Variants in PFKL observed in about 807,000 individuals in gnomAD.
PFKL encodes the protein phosphofructokinase, liver type.
A neutral mutation model predicts 92.1 loss-of-function variants in PFKL; 74 were observed. The ratio of observed to expected loss-of-function variants is 0.80; its 90% CI spans 0.67 to 0.97. PFKL has a LOEUF of 0.97. Ranked by LOEUF, PFKL falls within the 50% of genes least tolerant of loss-of-function variation. The probability of loss-of-function intolerance (pLI) is 0.00; values close to 1 mark genes in which losing one functional copy is unlikely to be tolerated. For synonymous variants in PFKL, 494 were observed against 456.4 expected, an observed-to-expected ratio of 1.08 and a Z score of -1.05; for missense variants, 1,028 against 1,116.6, an observed-to-expected ratio of 0.92 and a Z score of 1.13.
chr21:44,313,443 GGGA>G (rs1350277519), intron 5 of PFKL, among the ~76,000 whole-genome samples, 192 bp from the exon 6 acceptor site: 2 of 152,356 alleles, frequency 1.3e-5, no homozygotes, highest in South Asian at 4.1e-4. Flanking sequence ...CCCTCAGCCT[GGGA>G]GGAGATCAGT....
intron 10 of PFKL, among the ~76,000 whole-genome samples, 174 bp downstream of exon 10, chr21:44,318,769 G>A (rs1239354766): frequency 3.3e-5 from 5 of 152,162 alleles, no homozygotes; most frequent in African/African-American, 1.2e-4. Flanking sequence ...GCACATCCCT[G>A]GGTGGGACGT....
In PFKL at chr21:44,326,763, G is replaced by A. The variant is rs780130249; in HGVS notation, c.2244G>A (p.Leu748=). Residue 748 remains leucine, a synonymous_variant, in exon 22 of 22, where the codon CTG becomes CTA. Coordinates refer to ENST00000349048, the MANE Select transcript of PFKL (RefSeq NM_002626.6). Reference sequence around the variant, plus strand: ...GGTGGCTGAGCCTGCGGCTCATGCTGAAGATGCTGGCACAATACCGCATCA... The same window carrying A: ...GGTGGCTGAGCCTGCGGCTCATGCTAAAGATGCTGGCACAATACCGCATCA... The part of the protein sequence containing the change: ...EQWWLSLRLM[L]KMLAQYRISM... The A allele has an allele frequency of 1.2e-6, 2 of 1,611,384 alleles. No individual in the cohort carries two copies. The highest frequency in any genetic ancestry group is 2.2e-5 in the East Asian group (1 of 44,838).
At position 44,318,615 on chromosome 21, in the gene PFKL, C is replaced by G. The variant is rs199755995; in HGVS notation, c.1062+20C>G. The G allele has an allele frequency of 3.4e-6, 5 of 1,453,562 alleles. No homozygotes were observed. Among genetic ancestry groups the G allele is most frequent in the African/African-American group, 1.4e-5 (1 of 69,538 alleles). 90.0% of individuals were successfully genotyped at this position (1,453,562 alleles called of 1,614,324 possible). A position where few individuals can be genotyped will look rare whatever the true frequency, so the allele number is the denominator to read the frequency against. Reference sequence around the variant, plus strand: ...CAGATGGTAAGCCCTGGGCCCCCCCCATCAGAACCGCCTGGCCCCTCTCCC... The same window carrying G: ...CAGATGGTAAGCCCTGGGCCCCCCCGATCAGAACCGCCTGGCCCCTCTCCC... On this transcript the variant is annotated intron_variant, in intron 10 of 21. Coordinates refer to ENST00000349048, the MANE Select transcript of PFKL (RefSeq NM_002626.6).
chr21:44,305,391 C>T lies in PFKL; in HGVS notation c.86-1290C>T, dbSNP rs769773890. Reference sequence around the variant, plus strand: ...GGGTCTCCATGTTCAAGGGAGCTGCCGAGGCTTGAGCAGGAGCCCCCAGCA... The same window carrying T: ...GGGTCTCCATGTTCAAGGGAGCTGCTGAGGCTTGAGCAGGAGCCCCCAGCA... On this transcript the variant is annotated intron_variant, in intron 1 of 21. Coordinates refer to ENST00000349048, the MANE Select transcript of PFKL (RefSeq NM_002626.6). The T allele has an allele frequency of 7.2e-5, 98 of 1,362,454 alleles. No individual in the cohort carries two copies. In the East Asian group the frequency reaches 3.1e-3, roughly 44 times the overall value. The allele number at this position is 1,362,454 out of a possible 1,614,324, so 84.4% of individuals were successfully genotyped here.
In PFKL at chr21:44,326,955, G is replaced by A. The variant is rs1322267819; in HGVS notation, c.*93G>A. 3.3e-6 allele frequency: 4 copies of A among 1,219,194 alleles called. No homozygotes were observed. The highest frequency in any genetic ancestry group is 4.7e-6 in the Non-Finnish European group (4 of 857,044). The allele number at this position is 1,219,194 out of a possible 1,614,324, so 75.5% of individuals were successfully genotyped here. On this transcript the variant is annotated 3_prime_UTR_variant, in exon 22 of 22. Transcript: ENST00000349048. ...GCCTGGGCTGTTGTGTCTGGAGCCT[G>A]CAGGCAGGTGGGGGCTGCGTCCCTG... is the stretch of plus-strand genomic sequence containing the variant.
intron 5 of PFKL, 98 bp from the exon 6 acceptor site, chr21:44,313,540 C>A: frequency 1.7e-6 from 2 of 1,161,162 alleles, no homozygotes; most frequent in Non-Finnish European, 2.5e-6. Flanking sequence ...CCCCTGCCTG[C>A]CTCTCCATCC....
At position 44,325,146 on chromosome 21, in the gene PFKL, C is replaced by T. The variant is rs1402952158; in HGVS notation, c.1878-7C>T. The T allele has an allele frequency of 2.5e-6, 4 of 1,591,738 alleles. No individual in the cohort carries two copies. Among genetic ancestry groups the T allele is most frequent in the Non-Finnish European group, 2.6e-6 (3 of 1,160,568 alleles). On this transcript the variant is annotated splice_region_variant and splice_polypyrimidine_tract_variant and intron_variant, in intron 18 of 21. Transcript: ENST00000349048. ...CCCGCCGACTCAGGCCCTGCTGCCC[C>T]TCTCAGGAACGAGAAGTGCCATGAC...
intron 3 of PFKL, among the ~76,000 whole-genome samples, chr21:44,311,413 G>A (rs1422511482): frequency 6.6e-6 from 1 of 151,850 alleles, no homozygotes; most frequent in East Asian, 1.9e-4. Flanking sequence ...CAGACATGGA[G>A]ACAGATACAC....
chr21:44,311,841 C>T (rs954243490), intron 3 of PFKL, among the ~76,000 whole-genome samples: 13 of 152,300 alleles, frequency 8.5e-5, no homozygotes, highest in East Asian at 3.9e-4. Context: ...CTGTGCTTTC[C>T]AGTCTCCAAA....
intron 15 of PFKL, 98 bp from the exon 16 acceptor site, chr21:44,323,668 C>CAGCAGGG (rs1404951618): frequency 2.3e-6 from 3 of 1,316,540 alleles, no homozygotes; most frequent in Non-Finnish European, 1.0e-6. Flanking sequence ...CATGACAGGT[C>CAGCAGGG]AGCAGGGAGC....
At chr21:44,322,739 G>A (rs955867049) in intron 14 of PFKL, among the ~76,000 whole-genome samples, 2 of 152,210 alleles carry the variant, frequency 1.3e-5, no homozygotes, top group African/African-American at 2.4e-5. Flanking sequence ...GGGTTCACTC[G>A]GTTGCCTGGC....
intron 2 of PFKL, among the ~76,000 whole-genome samples, chr21:44,310,553 C>T (rs974740750): frequency 6.6e-6 from 1 of 152,316 alleles, no homozygotes; most frequent in South Asian, 2.1e-4. Flanking sequence ...CCGCACACCC[C>T]GCCGGCCGCA....
intron 1 of PFKL, chr21:44,305,242 C>G: frequency 7.7e-7 from 1 of 1,306,810 alleles, no homozygotes; most frequent in Non-Finnish European, 1.0e-6. Flanking sequence ...GTGCCGATCC[C>G]TGGGGTTTCT....
rs377152822 is a variant in PFKL at position 44,322,220 on chromosome 21, G to A, written c.1409+17G>A. 1.3e-4 allele frequency: 214 copies of A among 1,593,104 alleles called. 1 individual carries two copies. Among genetic ancestry groups the A allele is most frequent in the Middle Eastern group, 1.8e-4 (1 of 5,646 alleles). ...GACCAAGAGGTGAGCTGCCTGCTGC[G>A]GGTACCTGGGGGCAGGAGGGCCAGG... On this transcript the variant is annotated intron_variant, in intron 14 of 21. Coordinates refer to ENST00000349048, the MANE Select transcript of PFKL (RefSeq NM_002626.6).
intron 1 of PFKL, chr21:44,305,062 C>A: frequency 2.8e-6 from 1 of 354,742 alleles, no homozygotes. Flanking sequence ...CCCCTGGCTG[C>A]TGGGTGGGGA....
chr21:44,311,613 G>A (rs1281849692), intron 3 of PFKL, among the ~76,000 whole-genome samples: 1 of 152,230 alleles, frequency 6.6e-6, no homozygotes, highest in Non-Finnish European at 1.5e-5. Context: ...TTGGGTCGCA[G>A]GGTCATGGGG....
Position 44,323,009 on chromosome 21 carries a change from TCTATGGTATTCACGCC to T in PFKL, c.1460_1475del (p.Tyr487CysfsTer54). ...GAGTCCATTGTGGAGAACATCCGCATCTATGGTATTCACGCCCTGCTGGTGGTCGGTGGGTTTGAGG... is the reference window on the plus strand; with the variant it reads ...GAGTCCATTGTGGAGAACATCCGCATCTGCTGGTGGTCGGTGGGTTTGAGG... On this transcript the variant is annotated frameshift_variant, in exon 15 of 22. Coordinates refer to ENST00000349048, the MANE Select transcript of PFKL (RefSeq NM_002626.6). LOFTEE classifies it high-confidence loss of function. 1.9e-6 allele frequency: 3 copies of T among 1,613,140 alleles called. No homozygotes were observed. The highest frequency in any genetic ancestry group is 2.5e-6 in the Non-Finnish European group (3 of 1,179,686).
At chr21:44,305,668 G>A (rs757688664) in intron 1 of PFKL, 12 of 942,754 alleles carry the variant, frequency 1.3e-5, no homozygotes, top group African/African-American at 1.7e-5. Context: ...TGAAGATTAG[G>A]TGGTCTTGGC....
At chr21:44,323,308 C>G (rs915463235) in intron 15 of PFKL, among the ~76,000 whole-genome samples, 1 of 152,114 alleles carries the variant, frequency 6.6e-6, no homozygotes, top group Non-Finnish European at 1.5e-5. Context: ...GAAAGCTTCA[C>G]AAGGTTCCGA....
Sources: allele counts gnomAD v4.1 joint callset (sites outside exome capture counted in the v4.1 genomes callset), GRCh38; gene constraint gnomAD v4.1.1; transcripts MANE v1.5; gene names NCBI Gene and HGNC (gene_info 2026-07-23, HGNC 2026-07-21).